The following PTPRG variants were observed in gnomAD, a reference collection of about 807,000 sequenced individuals.
PTPRG encodes the protein receptor-type tyrosine-protein phosphatase gamma.
Under a neutral mutation model 165.3 loss-of-function variants are expected in PTPRG, and 102 were observed. The observed-to-expected ratio is 0.62, with a 90% confidence interval of 0.53 to 0.73. PTPRG has a LOEUF of 0.73. Among genes scored for constraint, PTPRG ranks in the 30% least tolerant of loss-of-function variants. The probability of loss-of-function intolerance (pLI) is 0.00; values close to 1 mark genes in which losing one functional copy is unlikely to be tolerated. For synonymous variants in PTPRG, 675 were observed against 669.5 expected, an observed-to-expected ratio of 1.01 and a Z score of -0.13; for missense variants, 1,866 against 1,861.4, an observed-to-expected ratio of 1.00 and a Z score of -0.05.
chr3:61,830,687 G>T (rs1188230), intron 2 of PTPRG, among the ~76,000 whole-genome samples: 17,915 of 147,484 alleles, frequency 0.12, 2,779 homozygotes, highest in African/African-American at 0.36. Flanking sequence ...TGATTCTCCT[G>T]CCTCAGCCTC....
chr3:61,707,351 G>T (rs1285604539), intron 1 of PTPRG, among the ~76,000 whole-genome samples: 1 of 152,196 alleles, frequency 6.6e-6, no homozygotes, highest in Non-Finnish European at 1.5e-5. Flanking sequence ...TCGGATTATG[G>T]GGGGTGACAA....
chr3:61,563,413 C>A (rs1238127382), intron 1 of PTPRG, among the ~76,000 whole-genome samples: 2 of 152,236 alleles, frequency 1.3e-5, no homozygotes, highest in East Asian at 3.9e-4. Flanking sequence ...CCTCTCTCCC[C>A]TGGGGAGGGC....
intron 2 of PTPRG, among the ~76,000 whole-genome samples, chr3:61,801,234 C>T (rs1442751096): frequency 6.6e-6 from 1 of 152,078 alleles, no homozygotes; most frequent in Non-Finnish European, 1.5e-5. Context: ...GGTCTATGCA[C>T]ACAGACGCCC....
Position 62,161,866 on chromosome 3 carries a change from G to T in PTPRG, c.840+4642G>T, listed in dbSNP as rs529682648. On this transcript the variant is annotated intron_variant, in intron 7 of 29. Coordinates refer to ENST00000474889, the MANE Select transcript of PTPRG (RefSeq NM_002841.4). ...AATAAGGAGGCAACAAACACGACCT[G>T]CCCTGTCATCCCTCAAATGTGTGGT... Among the ~76,000 whole-genome samples, 5 of 152,148 alleles carry T rather than the reference G, an allele frequency of 3.3e-5. No individual in the cohort carries two copies. In the East Asian group the frequency reaches 7.7e-4, roughly 23 times the overall value.
chr3:62,044,416 G>T (rs1347479387), intron 4 of PTPRG, among the ~76,000 whole-genome samples: 2 of 152,146 alleles, frequency 1.3e-5, no homozygotes, highest in Non-Finnish European at 2.9e-5. Flanking sequence ...GCACATGCCT[G>T]TAGTCCCAGC....
At chr3:62,078,786 G>A (rs1701476658) in intron 5 of PTPRG, among the ~76,000 whole-genome samples, 1 of 152,108 alleles carries the variant, frequency 6.6e-6, no homozygotes, top group African/African-American at 2.4e-5. Context: ...TGATTGTGTT[G>A]ATGAATGCTC....
chr3:62,050,906 G>A (rs561089801), intron 4 of PTPRG, among the ~76,000 whole-genome samples: 6 of 152,044 alleles, frequency 3.9e-5, no homozygotes, highest in East Asian at 1.9e-4. Flanking sequence ...AAATATTTCC[G>A]GAAAGTTCTC....
intron 2 of PTPRG, among the ~76,000 whole-genome samples, chr3:61,814,800 A>G (rs1300564084): frequency 6.6e-6 from 1 of 151,236 alleles, no homozygotes; most frequent in Non-Finnish European, 1.5e-5. Flanking sequence ...AGGGAAATAA[A>G]TGTCGTTGCA....
At chr3:62,022,108 C>T (rs2041708843) in intron 4 of PTPRG, among the ~76,000 whole-genome samples, 1 of 152,088 alleles carries the variant, frequency 6.6e-6, no homozygotes, top group South Asian at 2.1e-4. Flanking sequence ...AACTCACAGC[C>T]AAGGCTGCTG....
chr3:61,587,381 TTC>T (rs1460616802), intron 1 of PTPRG, among the ~76,000 whole-genome samples: 2 of 152,208 alleles, frequency 1.3e-5, no homozygotes, highest in Non-Finnish European at 2.9e-5. Flanking sequence ...CATACACTCT[TTC>T]TGTCAGACTC....
At chr3:62,115,730 G>T (rs576455865) in intron 5 of PTPRG, among the ~76,000 whole-genome samples, 1 of 151,534 alleles carries the variant, frequency 6.6e-6, no homozygotes, top group East Asian at 1.9e-4. Flanking sequence ...AGAGACAAGG[G>T]TTTTCCATTT....
chr3:62,053,272 T>G (rs1050899773), intron 4 of PTPRG, among the ~76,000 whole-genome samples: 1 of 150,952 alleles, frequency 6.6e-6, no homozygotes, highest in Non-Finnish European at 1.5e-5. Context: ...TTGGGTTTTT[T>G]TTTTTTTTTT....
intron 2 of PTPRG, among the ~76,000 whole-genome samples, chr3:61,938,355 GC>G (rs1465835305): frequency 3.3e-5 from 5 of 151,038 alleles, no homozygotes; most frequent in Admixed American, 3.3e-4. Context: ...GAAGGCATTT[GC>G]ACCATCTTAT....
chr3:61,947,643 C>T (rs1376565868), intron 2 of PTPRG, among the ~76,000 whole-genome samples: 1 of 152,172 alleles, frequency 6.6e-6, no homozygotes, highest in Non-Finnish European at 1.5e-5. Context: ...CTGGTTCTGG[C>T]CTTTGGCTTC....
intron 5 of PTPRG, among the ~76,000 whole-genome samples, chr3:62,107,971 T>A (rs540475597): frequency 1.3e-5 from 2 of 152,216 alleles, no homozygotes; most frequent in African/African-American, 2.4e-5. Context: ...TTATTACCTC[T>A]CAGTTACAAG....
intron 4 of PTPRG, among the ~76,000 whole-genome samples, chr3:62,006,660 C>G (rs1297684269): frequency 1.3e-5 from 2 of 152,112 alleles, no homozygotes; most frequent in Non-Finnish European, 2.9e-5. Flanking sequence ...TAGAGTACAG[C>G]TATGGTTCTG....
intron 14 of PTPRG, among the ~76,000 whole-genome samples, chr3:62,231,783 TGG>T (rs1218623801): frequency 6.6e-6 from 1 of 151,922 alleles, no homozygotes; most frequent in African/African-American, 2.4e-5. Flanking sequence ...TGAGCAAACA[TGG>T]ATGTACTATG....
At position 61,708,600 on chromosome 3, in the gene PTPRG, G is replaced by A. The variant is rs554301253; in HGVS notation, c.86-40278G>A. Among the ~76,000 whole-genome samples the A allele has an allele frequency of 7.3e-5, 11 of 151,634 alleles. No individual in the cohort carries two copies. The South Asian group carries it at 1.7e-3, about 23-fold the overall frequency. On this transcript the variant is annotated intron_variant, in intron 1 of 29. Coordinates refer to ENST00000474889, the MANE Select transcript of PTPRG (RefSeq NM_002841.4). ...CTCCTGAGTAGCTGGGACTACAGGC[G>A]CCTGCCACCACGCCCAGCTAATTTT...
intron 1 of PTPRG, among the ~76,000 whole-genome samples, chr3:61,693,365 C>T (rs1346025564): frequency 2.6e-5 from 4 of 152,128 alleles, no homozygotes; most frequent in African/African-American, 9.7e-5. Flanking sequence ...GTGAACTTGG[C>T]ACGATATTCC....
Sources: allele counts gnomAD v4.1 joint callset (sites outside exome capture counted in the v4.1 genomes callset), GRCh38; gene constraint gnomAD v4.1.1; transcripts MANE v1.5; gene names NCBI Gene and HGNC (gene_info 2026-07-23, HGNC 2026-07-21).